PXDNL: variants seen among roughly 807,000 people sequenced by gnomAD.
PXDNL encodes the protein probable oxidoreductase PXDNL.
In PXDNL, 145 loss-of-function variants were observed where a neutral mutation model predicts 150.8. The ratio of observed to expected loss-of-function variants is 0.96; its 90% CI spans 0.84 to 1.10. The LOEUF (loss-of-function observed/expected upper bound fraction) is 1.10. Among genes scored for constraint, PXDNL ranks in the 50% least tolerant of loss-of-function variants. PXDNL has a pLI of 0.00. For synonymous variants in PXDNL, 757 were observed against 725.7 expected, an observed-to-expected ratio of 1.04 and a Z score of -0.69; for missense variants, 2,087 against 1,873.9, an observed-to-expected ratio of 1.11 and a Z score of -2.10.
intron 9 of PXDNL, among the ~76,000 whole-genome samples, chr8:51,455,868 G>A (rs1011633787): frequency 6.6e-6 from 1 of 152,096 alleles, no homozygotes; most frequent in Non-Finnish European, 1.5e-5. Context: ...CTCCAGCCTG[G>A]GTGACAGAGT....
At chr8:51,709,562 C>A (rs1400977676) in intron 1 of PXDNL, among the ~76,000 whole-genome samples, 1 of 152,088 alleles carries the variant, frequency 6.6e-6, no homozygotes, top group East Asian at 1.9e-4. Context: ...CCCCAAAATC[C>A]CATTTTTAAG....
At chr8:51,543,710 C>CAAAAAAAAAAAAAAAAAAAAAAAAAAAA (rs572642373) in intron 4 of PXDNL, among the ~76,000 whole-genome samples, 1 of 60,442 alleles carries the variant, frequency 1.7e-5, no homozygotes, top group Non-Finnish European at 3.8e-5. Context: ...GACTCCATAT[C>CAAAAAAAAAAAAAAAAAAAAAAAAAAAA]AAAAAAAAAA....
intron 1 of PXDNL, among the ~76,000 whole-genome samples, chr8:51,737,296 G>C (rs1416495447): frequency 6.6e-6 from 1 of 152,186 alleles, no homozygotes; most frequent in Non-Finnish European, 1.5e-5. Flanking sequence ...AATGACATCG[G>C]ATTTTATTGC....
intron 1 of PXDNL, among the ~76,000 whole-genome samples, chr8:51,678,527 C>T (rs537941243): frequency 1.9e-4 from 29 of 151,484 alleles, no homozygotes; most frequent in Admixed American, 5.3e-4. Context: ...CCATGGAATA[C>T]TATGCAGCCA....
chr8:51,644,365 T>G (rs374091582), intron 2 of PXDNL, among the ~76,000 whole-genome samples: 2 of 71,402 alleles, frequency 2.8e-5, no homozygotes, highest in South Asian at 5.6e-4. Flanking sequence ...CACACACACA[T>G]ATGTATATAT....
intron 1 of PXDNL, among the ~76,000 whole-genome samples, chr8:51,690,291 G>T (rs1015080184): frequency 6.6e-6 from 1 of 152,002 alleles, no homozygotes; most frequent in Non-Finnish European, 1.5e-5. Flanking sequence ...TTTAGCATTA[G>T]GTATATCTCC....
At chr8:51,614,069 C>A (rs982652532) in intron 2 of PXDNL, among the ~76,000 whole-genome samples, 1 of 152,146 alleles carries the variant, frequency 6.6e-6, no homozygotes, top group African/African-American at 2.4e-5. Context: ...ACGCTATTGA[C>A]TAAGTGAACA....
At chr8:51,338,408 G>A (rs1257150393) in intron 21 of PXDNL, among the ~76,000 whole-genome samples, 2 of 152,170 alleles carry the variant, frequency 1.3e-5, no homozygotes, top group African/African-American at 4.8e-5. Flanking sequence ...TAAGGGGCTT[G>A]TAGTTCACAA....
intron 1 of PXDNL, among the ~76,000 whole-genome samples, chr8:51,751,261 A>C (rs1021858200): frequency 2.0e-5 from 3 of 152,202 alleles, no homozygotes; most frequent in African/African-American, 7.2e-5. Flanking sequence ...ATTACTGATA[A>C]AATATAATTT....
At chr8:51,407,341 C>T (rs376476940) in intron 17 of PXDNL, among the ~76,000 whole-genome samples, 3 of 152,314 alleles carry the variant, frequency 2.0e-5, no homozygotes, top group South Asian at 2.1e-4. Flanking sequence ...TAATTTTAAA[C>T]TTCTTTGAAA....
chr8:51,495,527 C>T (rs200656028), intron 5 of PXDNL, among the ~76,000 whole-genome samples: 10 of 151,836 alleles, frequency 6.6e-5, no homozygotes, highest in East Asian at 3.9e-4. Context: ...ATTGATAGAC[C>T]GCTAGCAAGA....
intron 19 of PXDNL, 24 bp downstream of exon 19, chr8:51,371,849 C>T (rs571712000): frequency 1.3e-6 from 2 of 1,565,970 alleles, no homozygotes; most frequent in South Asian, 1.1e-5. Flanking sequence ...CAATCCAGAT[C>T]GTGCTCATTG....
chr8:51,720,559 T>C (rs940442051), intron 1 of PXDNL, among the ~76,000 whole-genome samples: 1 of 152,194 alleles, frequency 6.6e-6, no homozygotes, highest in Non-Finnish European at 1.5e-5. Context: ...TAAAAAGAAA[T>C]GTGCTATCCT....
At chr8:51,578,703 T>C (rs1813142242) in intron 3 of PXDNL, among the ~76,000 whole-genome samples, 1 of 152,034 alleles carries the variant, frequency 6.6e-6, no homozygotes, top group Admixed American at 6.6e-5. Flanking sequence ...ACTGTCTACC[T>C]GGCTTCAGGA....
At chr8:51,723,452 C>CT (rs1816766777) in intron 1 of PXDNL, among the ~76,000 whole-genome samples, 3 of 152,354 alleles carry the variant, frequency 2.0e-5, no homozygotes, top group African/African-American at 7.2e-5. Flanking sequence ...ACTAGACAGG[C>CT]AGTCCTGCAC....
intron 19 of PXDNL, among the ~76,000 whole-genome samples, chr8:51,362,924 A>G (rs1269032955): frequency 6.6e-6 from 1 of 152,230 alleles, no homozygotes; most frequent in African/African-American, 2.4e-5. Flanking sequence ...ATTGTCAGTT[A>G]AATATAAGTA....
intron 17 of PXDNL, among the ~76,000 whole-genome samples, chr8:51,406,064 C>T (rs1242874207): frequency 4.6e-5 from 7 of 152,210 alleles, no homozygotes; most frequent in African/African-American, 1.7e-4. Context: ...TAAGGATGGA[C>T]AGTGGCCGAC....
chr8:51,745,644 T>A (rs371353136), intron 1 of PXDNL, among the ~76,000 whole-genome samples: 70 of 152,268 alleles, frequency 4.6e-4, no homozygotes, highest in African/African-American at 1.3e-3. Context: ...CTTGCCTCCA[T>A]CCTGTCCTCT....
intron 1 of PXDNL, among the ~76,000 whole-genome samples, chr8:51,727,661 A>G (rs1000712491): frequency 2.0e-5 from 3 of 152,198 alleles, no homozygotes; most frequent in African/African-American, 4.8e-5. Context: ...AAAGGAAAAA[A>G]AAGGAAGAAA....
Sources: allele counts gnomAD v4.1 joint callset (sites outside exome capture counted in the v4.1 genomes callset), GRCh38; gene constraint gnomAD v4.1.1; transcripts MANE v1.5; gene names NCBI Gene and HGNC (gene_info 2026-07-23, HGNC 2026-07-21).